The following SEC22A variants were observed in gnomAD, a reference collection of about 807,000 sequenced individuals.
The protein encoded by SEC22A is vesicle-trafficking protein SEC22a.
In SEC22A, 22 loss-of-function variants were observed where a neutral mutation model predicts 35.3. The observed-to-expected ratio is 0.62, with a 90% CI of 0.45 to 0.89. The LOEUF is 0.89. SEC22A is among the 40% of genes least tolerant of loss of function. The probability of loss-of-function intolerance (pLI) is 0.00; values close to 1 mark genes in which losing one functional copy is unlikely to be tolerated. For missense variants in SEC22A, 354 were observed against 362.5 expected (o/e 0.98, Z 0.19); for synonymous variants, 119 against 129.5 (o/e 0.92, Z 0.55).
intron 2 of SEC22A, among the ~76,000 whole-genome samples, chr3:123,222,943 C>T (rs1576488270): frequency 6.6e-6 from 1 of 152,320 alleles, no homozygotes; most frequent in Non-Finnish European, 1.5e-5. Flanking sequence ...CTAGCACTTC[C>T]TCTACGTTTA....
At position 123,220,867 on chromosome 3, in the gene SEC22A, CATATATATATATACAT is replaced by C. The variant is rs151030890; in HGVS notation, c.183-2678_183-2663del. On this transcript the variant is annotated intron_variant, in intron 2 of 6. Coordinates refer to ENST00000492595, the MANE Select transcript of SEC22A (RefSeq NM_012430.5). ...CTAGGATGGTCTTTAAAAAAGGTCT[CATATATATATATACAT>C]ATATATATATATATGTCACATGTAT... Among the ~76,000 whole-genome samples the C allele has an allele frequency of 9.0e-3, 883 of 97,572 alleles. 36 individuals carry two copies. The highest frequency in any genetic ancestry group is 0.029 in the African/African-American group (804 of 27,602). The allele number at this position is 97,572 out of a possible 152,430, so 64.0% of individuals were successfully genotyped here.
At chr3:123,227,464 G>A (rs994673092) in intron 4 of SEC22A, among the ~76,000 whole-genome samples, 5 of 152,086 alleles carry the variant, frequency 3.3e-5, no homozygotes, top group South Asian at 4.1e-4. Flanking sequence ...CAAGGGGTTG[G>A]GGGCAAGGGG....
In SEC22A at chr3:123,245,996, TA is replaced by T; in HGVS notation, c.640del (p.Ile214Ter). The T allele has an allele frequency of 6.2e-7, 1 of 1,602,982 alleles. No homozygotes were observed. ...ALNLIRGFHA[I>X]ESLLQSDGDD... is the part of the protein sequence containing the mutation. ...TGAATTTAATTCGAGGCTTTCATGC[TA>T]TAGAAAGTCTCCTGCAGGTACTGTG... On this transcript the variant is annotated frameshift_variant, in exon 5 of 7. Transcript: ENST00000492595. LOFTEE classifies it high-confidence loss of function.
At chr3:123,219,970 C>G (rs1424479180) in intron 2 of SEC22A, among the ~76,000 whole-genome samples, 1 of 152,150 alleles carries the variant, frequency 6.6e-6, no homozygotes, top group Non-Finnish European at 1.5e-5. Context: ...ACTAAATTTA[C>G]TATGAAAAGC....
intron 4 of SEC22A, among the ~76,000 whole-genome samples, chr3:123,236,815 A>ACG (rs1559757845): frequency 6.6e-6 from 1 of 151,662 alleles, no homozygotes; most frequent in Non-Finnish European, 1.5e-5. Context: ...AGAAACACGC[A>ACG]CACACACACA....
At chr3:123,222,551 C>T (rs1937146513) in intron 2 of SEC22A, among the ~76,000 whole-genome samples, 1 of 152,040 alleles carries the variant, frequency 6.6e-6, no homozygotes, top group Non-Finnish European at 1.5e-5. Context: ...TTTTTTACAA[C>T]CCTGGCACTT....
At chr3:123,241,181 G>A (rs1937517534) in intron 4 of SEC22A, among the ~76,000 whole-genome samples, 1 of 152,064 alleles carries the variant, frequency 6.6e-6, no homozygotes, top group South Asian at 2.1e-4. Context: ...AATCCAATAA[G>A]TAAAACACAA....
intron 4 of SEC22A, among the ~76,000 whole-genome samples, chr3:123,245,336 A>G (rs924775479): frequency 5.3e-5 from 8 of 152,240 alleles, no homozygotes; most frequent in Non-Finnish European, 1.2e-4. Context: ...TAAATGATTT[A>G]CTGCCGGTTG....
chr3:123,260,973 A>C (rs1937883273), intron 6 of SEC22A, among the ~76,000 whole-genome samples: 2 of 151,740 alleles, frequency 1.3e-5, no homozygotes, highest in Admixed American at 6.6e-5. Context: ...GTAGCTGGGA[A>C]TACAGGCTCC....
chr3:123,218,801 G>A (rs2108040480), intron 2 of SEC22A, among the ~76,000 whole-genome samples: 1 of 152,208 alleles, frequency 6.6e-6, no homozygotes, highest in African/African-American at 2.4e-5. Flanking sequence ...ATGAGTAAAG[G>A]AATGATGCCA....
intron 6 of SEC22A, among the ~76,000 whole-genome samples, chr3:123,267,444 G>C (rs374827946): frequency 6.6e-6 from 1 of 151,756 alleles, no homozygotes; most frequent in Non-Finnish European, 1.5e-5. Flanking sequence ...TGGTCTTCTC[G>C]TGTCAATATT....
At chr3:123,256,490 TC>T (rs1238009473) in intron 5 of SEC22A, among the ~76,000 whole-genome samples, 2 of 152,186 alleles carry the variant, frequency 1.3e-5, no homozygotes. Context: ...ACGCACTACT[TC>T]CTTTGCCTTT....
At chr3:123,213,860 A>G (rs1413011398) in intron 2 of SEC22A, among the ~76,000 whole-genome samples, 1 of 151,542 alleles carries the variant, frequency 6.6e-6, no homozygotes, top group Non-Finnish European at 1.5e-5. Flanking sequence ...AGTTTGAAGG[A>G]AAAAAAAATC....
At chr3:123,230,816 A>G (rs910547029) in intron 4 of SEC22A, among the ~76,000 whole-genome samples, 3 of 151,982 alleles carry the variant, frequency 2.0e-5, no homozygotes, top group Non-Finnish European at 4.4e-5. Context: ...AATGTTATAT[A>G]TGAATGGATT....
intron 1 of SEC22A, chr3:123,208,411 C>T (rs1356207177): frequency 6.6e-6 from 1 of 152,226 alleles, no homozygotes; most frequent in Non-Finnish European, 1.5e-5. Flanking sequence ...GGTATGCCTT[C>T]AGACTCTTGT....
chr3:123,221,342 G>A (rs9810601), intron 2 of SEC22A, among the ~76,000 whole-genome samples: 29,633 of 151,270 alleles, frequency 0.2, 2,996 homozygotes, highest in Middle Eastern at 0.28. Context: ...GTGGTGGTGT[G>A]TGCCTGTAAT....
chr3:123,226,682 G>A (rs1213720283), intron 4 of SEC22A, among the ~76,000 whole-genome samples: 1 of 152,098 alleles, frequency 6.6e-6, no homozygotes, highest in Non-Finnish European at 1.5e-5. Context: ...TCTTCACTTT[G>A]TTGTTTCCTT....
chr3:123,212,061 T>C (rs1412898504), intron 2 of SEC22A, among the ~76,000 whole-genome samples: 14 of 151,988 alleles, frequency 9.2e-5, no homozygotes, highest in Admixed American at 9.2e-4. Context: ...TCAAAAAATA[T>C]ATATAAATAA....
chr3:123,230,699 CAAAAAA>C (rs376679473), intron 4 of SEC22A, among the ~76,000 whole-genome samples: 33 of 47,406 alleles, frequency 7.0e-4, no homozygotes, highest in Non-Finnish European at 1.3e-3. Context: ...TCACTTCATG[CAAAAAA>C]AAAAAAAAAA....
Sources: allele counts gnomAD v4.1 joint callset (sites outside exome capture counted in the v4.1 genomes callset), GRCh38; gene constraint gnomAD v4.1.1; transcripts MANE v1.5; gene names NCBI Gene and HGNC (gene_info 2026-07-23, HGNC 2026-07-21).